The following MTF1 variants were observed in gnomAD, a reference collection of about 807,000 sequenced individuals.
The protein encoded by MTF1 is MRE-binding transcription factor.
MTF1 carries 22 observed loss-of-function variants against 70.4 expected under a neutral mutation model. The ratio of observed to expected loss-of-function variants is 0.31; its 90% CI spans 0.22 to 0.45. MTF1 has a LOEUF of 0.45. Among genes scored for constraint, MTF1 ranks in the 20% least tolerant of loss-of-function variants. The pLI, the probability that MTF1 is intolerant of heterozygous loss-of-function variation, is 1.00. For synonymous variants in MTF1, 333 were observed against 352.8 expected, an observed-to-expected ratio of 0.94 and a Z score of 0.63; for missense variants, 649 against 922.0, an observed-to-expected ratio of 0.70 and a Z score of 3.83.
Position 37,811,574 on chromosome 1 carries a change from T to G in MTF1, c.*3562A>C, listed in dbSNP as rs1640737256. 1 of 152,276 alleles carries G rather than the reference T, an allele frequency of 6.6e-6. No individual in the cohort carries two copies. The highest frequency in any genetic ancestry group is 2.4e-5 in the African/African-American group (1 of 41,456). The allele number at this position is 152,276 out of a possible 1,614,324, so 9.4% of individuals were successfully genotyped here. A position where few individuals can be genotyped will look rare whatever the true frequency, so the allele number is the denominator to read the frequency against. On this transcript the variant is annotated 3_prime_UTR_variant, in exon 11 of 11. Coordinates refer to ENST00000373036, the MANE Select transcript of MTF1 (RefSeq NM_005955.3). ...TAAAGTGCTTTTTTATTTTATTATTTCTTTAATATACCAATATGAGGTTCT... is the reference window on the plus strand; with the variant it reads ...TAAAGTGCTTTTTTATTTTATTATTGCTTTAATATACCAATATGAGGTTCT...
chr1:37,834,766 GA>G, intron 6 of MTF1: 2 of 510,838 alleles, frequency 3.9e-6, no homozygotes, highest in Non-Finnish European at 7.5e-6. Context: ...GAGTGTGAGG[GA>G]AAAAAGAGTC....
At chr1:37,817,593 G>C (rs1640839652) in intron 9 of MTF1, 111 bp from the exon 10 acceptor site, 2 of 773,102 alleles carry the variant, frequency 2.6e-6, no homozygotes, top group African/African-American at 3.5e-5. Context: ...AAAACCCTTA[G>C]TGTTCAGGGA....
chr1:37,840,227 G>T lies in MTF1; in HGVS notation c.409-69C>A. ...CCAGGGCTTAACTCCCCCACCCAGA[G>T]CTCAGCTCCCAAGAGATGCTGTGGA... On this transcript the variant is annotated intron_variant, in intron 2 of 10. Coordinates refer to ENST00000373036, the MANE Select transcript of MTF1 (RefSeq NM_005955.3). This position sits in a 1 kb window ranked among gnomAD's most constrained non-coding sequence, Gnocchi z 4.5. 7.2e-7 allele frequency: 1 copy of T among 1,387,038 alleles called. No homozygotes were observed. Among genetic ancestry groups the T allele is most frequent in the Non-Finnish European group, 1.0e-6 (1 of 979,880 alleles). The allele number at this position is 1,387,038 out of a possible 1,614,324, so 85.9% of individuals were successfully genotyped here.
chr1:37,825,969 T>C (rs1640996128), intron 7 of MTF1, among the ~76,000 whole-genome samples: 1 of 152,216 alleles, frequency 6.6e-6, no homozygotes, highest in Admixed American at 6.5e-5. Context: ...AAAGTTATAC[T>C]AGGATTTGGT....
In MTF1 at chr1:37,857,103, C is replaced by T. The variant is rs540976629; in HGVS notation, c.408+148G>A. The T allele has an allele frequency of 6.5e-5, 46 of 709,766 alleles. No individual in the cohort carries two copies. In the African/African-American group the frequency reaches 7.1e-4, roughly 11 times the overall value. 44.0% of individuals were successfully genotyped at this position (709,766 alleles called of 1,614,324 possible). On this transcript the variant is annotated intron_variant, in intron 2 of 10. Coordinates refer to ENST00000373036, the MANE Select transcript of MTF1 (RefSeq NM_005955.3). Reference sequence around the variant, plus strand: ...CCAAAAGTTCCAGAAGCAATCACAACAAAACCTGAGGCATATGTTGTTGAT... The same window carrying T: ...CCAAAAGTTCCAGAAGCAATCACAATAAAACCTGAGGCATATGTTGTTGAT...
intron 2 of MTF1, chr1:37,841,646 T>C: frequency 5.9e-6 from 1 of 168,774 alleles, no homozygotes; most frequent in Non-Finnish European, 1.3e-5. Flanking sequence ...AGAGTCTCTG[T>C]GCAGAGGACC....
At chr1:37,827,309 C>T (rs1006674737) in intron 7 of MTF1, among the ~76,000 whole-genome samples, 2 of 150,592 alleles carry the variant, frequency 1.3e-5, no homozygotes, top group Non-Finnish European at 2.9e-5. Context: ...TACCACTGAG[C>T]ATAAGCTTTG....
intron 1 of MTF1, chr1:37,858,514 G>A (rs912089199): frequency 6.6e-6 from 1 of 152,166 alleles, no homozygotes; most frequent in African/African-American, 2.4e-5. Flanking sequence ...AACCTTCTGG[G>A]TGGAAGGGCT....
chr1:37,832,451 T>G (rs1354891014), intron 6 of MTF1, 129 bp from the exon 7 acceptor site: 1 of 627,278 alleles, frequency 1.6e-6, no homozygotes, highest in East Asian at 2.8e-5. Context: ...TGAAGAAGTA[T>G]AAGCCAACCA....
chr1:37,830,456 A>T (rs534266029), intron 7 of MTF1, among the ~76,000 whole-genome samples: 137 of 152,298 alleles, frequency 9.0e-4, no homozygotes, highest in African/African-American at 3.2e-3. Context: ...CATTACAAGC[A>T]TATTCCTTTA....
rs538283687 is a variant in MTF1, at chr1:37,815,345, C to T, written c.2053G>A (p.Gly685Arg). 17 of 1,614,026 alleles carry T rather than the reference C, an allele frequency of 1.1e-5. No homozygotes were observed. The highest frequency in any genetic ancestry group is 2.7e-5 in the African/African-American group (2 of 74,980). ...GAGGGCAAGGTAGAGGATGATGACCCGGGAACAGGGGCTGAAGAGAAAGTC... is the reference window on the plus strand; with the variant it reads ...GAGGGCAAGGTAGAGGATGATGACCTGGGAACAGGGGCTGAAGAGAAAGTC... ...AQTFSSAPVP[G>R]SSSSTLPSSC... Residue 685 changes from glycine to arginine, a missense_variant, in exon 11 of 11, where the codon GGG becomes AGG. Coordinates refer to ENST00000373036, the MANE Select transcript of MTF1 (RefSeq NM_005955.3). This position sits in a 1 kb window ranked among gnomAD's most constrained non-coding sequence, Gnocchi z 4.5.
chr1:37,839,172 A>C (rs1177828873), intron 3 of MTF1, among the ~76,000 whole-genome samples: 1 of 152,184 alleles, frequency 6.6e-6, no homozygotes, highest in Non-Finnish European at 1.5e-5. Context: ...CAAGTGCGTA[A>C]GAATTCTATA....
At chr1:37,845,629 T>G (rs1431867962) in intron 2 of MTF1, among the ~76,000 whole-genome samples, 1 of 152,150 alleles carries the variant, frequency 6.6e-6, no homozygotes, top group Non-Finnish European at 1.5e-5. Context: ...TTCAGCCTCT[T>G]GAGTAACTGG....
At position 37,818,818 on chromosome 1, in the gene MTF1, C is replaced by A. The variant is rs927499137; in HGVS notation, c.1768-1336G>T. Among the ~76,000 whole-genome samples, 5 of 151,540 alleles carry A rather than the reference C, an allele frequency of 3.3e-5. No homozygotes were observed. The South Asian group carries it at 6.2e-4, about 19-fold the overall frequency. Reference sequence around the variant, plus strand: ...GACCATCCTGGCTAATACGGTGAAACCCCATCTCTACTAAAAATACAAAAA... The same window carrying A: ...GACCATCCTGGCTAATACGGTGAAAACCCATCTCTACTAAAAATACAAAAA... On this transcript the variant is annotated intron_variant, in intron 9 of 10. Transcript: ENST00000373036.
chr1:37,853,267 A>G lies in MTF1; in HGVS notation c.408+3984T>C, dbSNP rs534143592. Among the ~76,000 whole-genome samples, 3 of 152,280 alleles carry G rather than the reference A, an allele frequency of 2.0e-5. No homozygotes were observed. The South Asian group carries it at 6.2e-4, about 32-fold the overall frequency. On this transcript the variant is annotated intron_variant, in intron 2 of 10. Coordinates refer to ENST00000373036, the MANE Select transcript of MTF1 (RefSeq NM_005955.3). Reference sequence around the variant, plus strand: ...CCATTTCTAGGAGAGTACAGTTCAAAACCCATAGAAGGTTACCACTGCCTT... The same window carrying G: ...CCATTTCTAGGAGAGTACAGTTCAAGACCCATAGAAGGTTACCACTGCCTT...
chr1:37,835,055 T>G (rs1224948968), intron 6 of MTF1, 24 bp downstream of exon 6: 4 of 1,611,722 alleles, frequency 2.5e-6, no homozygotes, highest in East Asian at 2.2e-5. Flanking sequence ...GGTACCCAGA[T>G]CAAGAGACAA....
chr1:37,852,623 A>C (rs139231400), intron 2 of MTF1, among the ~76,000 whole-genome samples: 83 of 144,090 alleles, frequency 5.8e-4, no homozygotes, highest in African/African-American at 2.0e-3. Flanking sequence ...TTCAATCAAC[A>C]TGATTCAAAA....
Position 37,840,178 on chromosome 1 carries a change from T to C in MTF1, c.409-20A>G, listed in dbSNP as rs749824369. Reference sequence around the variant, plus strand: ...CTTTACCTGGCAGAGAAAAGATACCTCATCAACAGGACAAAAATGCTGCCC... The same window carrying C: ...CTTTACCTGGCAGAGAAAAGATACCCCATCAACAGGACAAAAATGCTGCCC... On this transcript the variant is annotated intron_variant, in intron 2 of 10. Transcript: ENST00000373036. The surrounding 1 kb of genome is among the most constrained non-coding windows in gnomAD (Gnocchi z 4.5). 3.7e-6 allele frequency: 6 copies of C among 1,610,376 alleles called. No homozygotes were observed. Among genetic ancestry groups the C allele is most frequent in the Non-Finnish European group, 5.1e-6 (6 of 1,177,046 alleles).
At position 37,812,429 on chromosome 1, in the gene MTF1, A is replaced by T. The variant is rs1640751569; in HGVS notation, c.*2707T>A. On this transcript the variant is annotated 3_prime_UTR_variant, in exon 11 of 11. Transcript: ENST00000373036. ...CACATTCCTGATTTTTCAAAAGCTG[A>T]TTGGATCTGATAGTCTCTCTTGTAA... 6.6e-6 allele frequency: 1 copy of T among 152,266 alleles called. No individual in the cohort carries two copies. Among genetic ancestry groups the T allele is most frequent in the Non-Finnish European group, 1.5e-5 (1 of 68,052 alleles). The allele number at this position is 152,266 out of a possible 1,614,324, so 9.4% of individuals were successfully genotyped here.
Sources: gnomAD v4.1 joint callset for allele counts (sites outside exome capture counted in the v4.1 genomes callset) on GRCh38, gnomAD v4.1.1 for gene constraint, Gnocchi (gnomAD v3.1) non-coding constraint, MANE v1.5 for transcripts, NCBI Gene and HGNC (gene_info 2026-07-23, HGNC 2026-07-21) for gene names.